INPP5A: variants seen among roughly 807,000 people sequenced by gnomAD.
INPP5A encodes 43 kDa inositol polyphosphate 5-phophatase.
INPP5A carries 14 observed loss-of-function variants against 65.2 expected under a neutral mutation model. The ratio of observed to expected loss-of-function variants is 0.21; its 90% CI spans 0.14 to 0.34. The LOEUF (loss-of-function observed/expected upper bound fraction) is 0.34, where lower values mean the gene tolerates loss of function less well. INPP5A is among the 10% of genes least tolerant of loss of function. The probability of loss-of-function intolerance (pLI) is 1.00; values close to 1 mark genes in which losing one functional copy is unlikely to be tolerated. For synonymous variants in INPP5A, 207 were observed against 208.3 expected (o/e 0.99, Z 0.05); for missense variants, 431 against 545.6 (o/e 0.79, Z 2.09).
intron 2 of INPP5A, among the ~76,000 whole-genome samples, chr10:132,632,724 ATATAT>A (rs1357643448): frequency 3.7e-4 from 56 of 152,228 alleles, no homozygotes; most frequent in African/African-American, 1.4e-3. Context: ...AATAAAGTAA[ATATAT>A]TAAAACCAAA....
intron 8 of INPP5A, among the ~76,000 whole-genome samples, chr10:132,715,177 G>A (rs903130213): frequency 2.6e-5 from 4 of 152,220 alleles, no homozygotes; most frequent in African/African-American, 9.7e-5. Context: ...CCACTGAGGC[G>A]TCCCGAAACC....
intron 1 of INPP5A, among the ~76,000 whole-genome samples, chr10:132,539,889 C>T (rs928535283): frequency 2.0e-5 from 3 of 152,198 alleles, no homozygotes; most frequent in Admixed American, 1.3e-4. Flanking sequence ...CGCTGTTTTT[C>T]TGTTTTTCTT....
At chr10:132,778,051 C>T (rs1166246330) in intron 13 of INPP5A, among the ~76,000 whole-genome samples, 1 of 152,186 alleles carries the variant, frequency 6.6e-6, no homozygotes, top group African/African-American at 2.4e-5. Context: ...ATAACACAGG[C>T]GGTTAGCAGG....
chr10:132,650,153 C>G lies in INPP5A; in HGVS notation c.219-265C>G, dbSNP rs937579087. 6.6e-6 allele frequency among the ~76,000 whole-genome samples: 1 copy of G among 152,182 alleles called. No homozygotes were observed. Among genetic ancestry groups the G allele is most frequent in the Non-Finnish European group, 1.5e-5 (1 of 68,024 alleles). The stretch of plus-strand genomic sequence containing the variant: ...TGGGTGAGTTCTCAATGTCTCCATC[C>G]CTGGGATGCCTCAGACCCCGGCATC... On this transcript the variant is annotated intron_variant, in intron 3 of 15. Coordinates refer to ENST00000368594, the MANE Select transcript of INPP5A (RefSeq NM_005539.5). The surrounding 1 kb of genome is among the most constrained non-coding windows in gnomAD (Gnocchi z 5.5).
chr10:132,654,315 G>A (rs1199136468), intron 4 of INPP5A, among the ~76,000 whole-genome samples: 1 of 152,256 alleles, frequency 6.6e-6, no homozygotes, highest in Non-Finnish European at 1.5e-5. Flanking sequence ...TAGGCCAGGT[G>A]GATGGTGGAG....
chr10:132,625,289 A>G (rs2072168553), intron 2 of INPP5A, among the ~76,000 whole-genome samples: 1 of 149,410 alleles, frequency 6.7e-6, no homozygotes, highest in Admixed American at 6.7e-5. Flanking sequence ...CTGTCATCCC[A>G]CCCCACACCC....
intron 1 of INPP5A, among the ~76,000 whole-genome samples, chr10:132,572,360 T>C (rs1207865803): frequency 1.1e-4 from 16 of 152,308 alleles, no homozygotes; most frequent in Admixed American, 1.3e-4. Context: ...AGGCCTTCCC[T>C]GAGCTTCTGT....
chr10:132,766,180 AGT>A (rs1181257803), intron 12 of INPP5A, among the ~76,000 whole-genome samples: 1 of 151,928 alleles, frequency 6.6e-6, no homozygotes, highest in African/African-American at 2.4e-5. Flanking sequence ...TTGTGTGCAT[AGT>A]GTTTTTGTGT....
chr10:132,644,262 G>A lies in INPP5A; in HGVS notation c.118-1606G>A, dbSNP rs1469802524. Among the ~76,000 whole-genome samples, 1 of 152,230 alleles carries A rather than the reference G, an allele frequency of 6.6e-6. No homozygotes were observed. The highest frequency in any genetic ancestry group is 1.5e-5 in the Non-Finnish European group (1 of 68,036). Reference sequence around the variant, plus strand: ...GGAGGGGCCCACTCGGTGCATCCACGCAGAGGCGGCTGCGAACTCAGGCAC... The same window carrying A: ...GGAGGGGCCCACTCGGTGCATCCACACAGAGGCGGCTGCGAACTCAGGCAC... On this transcript the variant is annotated intron_variant, in intron 2 of 15. Transcript: ENST00000368594. This position sits in a 1 kb window ranked among gnomAD's most constrained non-coding sequence, Gnocchi z 6.5.
intron 14 of INPP5A, 34 bp downstream of exon 14, chr10:132,780,951 G>A (rs1847150686): frequency 6.4e-7 from 1 of 1,559,512 alleles, no homozygotes; most frequent in South Asian, 1.1e-5. Context: ...GCCAGGCTGG[G>A]GGACCAAGGG....
chr10:132,723,466 C>CGTGTGGGG (rs1564984309), intron 8 of INPP5A, among the ~76,000 whole-genome samples: 4 of 146,216 alleles, frequency 2.7e-5, no homozygotes, highest in African/African-American at 5.2e-5. Flanking sequence ...GGGGATTGGC[C>CGTGTGGGG]ATGTGGGGAT....
At chr10:132,629,115 T>C (rs1252684130) in intron 2 of INPP5A, among the ~76,000 whole-genome samples, 1 of 152,222 alleles carries the variant, frequency 6.6e-6, no homozygotes, top group Non-Finnish European at 1.5e-5. Flanking sequence ...ATTCCCATTC[T>C]TGGCCTCTGG....
At chr10:132,649,342 T>C (rs1163877456) in intron 3 of INPP5A, among the ~76,000 whole-genome samples, 1 of 152,264 alleles carries the variant, frequency 6.6e-6, no homozygotes, top group Non-Finnish European at 1.5e-5. Context: ...TTTTTGCCTC[T>C]TCCGGGTCTG....
chr10:132,725,855 A>T (rs1256399536), intron 8 of INPP5A, among the ~76,000 whole-genome samples: 1 of 152,138 alleles, frequency 6.6e-6, no homozygotes, highest in African/African-American at 2.4e-5. Flanking sequence ...GAAATTAGGA[A>T]ATTTGGCAAC....
chr10:132,559,428 G>C (rs1469801838), intron 1 of INPP5A, among the ~76,000 whole-genome samples: 1 of 152,224 alleles, frequency 6.6e-6, no homozygotes, highest in East Asian at 1.9e-4. Context: ...AAGGTCGTGT[G>C]ACCTTCGCCC....
chr10:132,647,906 G>T (rs1401624594), intron 3 of INPP5A, among the ~76,000 whole-genome samples: 1 of 152,148 alleles, frequency 6.6e-6, no homozygotes, highest in Admixed American at 6.5e-5. Flanking sequence ...ATATAGTTTT[G>T]GGATGAGAGA....
At chr10:132,739,319 AC>A (rs1347901435) in intron 9 of INPP5A, among the ~76,000 whole-genome samples, 1 of 152,176 alleles carries the variant, frequency 6.6e-6, no homozygotes, top group Non-Finnish European at 1.5e-5. Flanking sequence ...GCCTCACCAC[AC>A]ATTTCCCACG....
At chr10:132,646,975 G>T (rs1046120629) in intron 3 of INPP5A, among the ~76,000 whole-genome samples, 12 of 152,316 alleles carry the variant, frequency 7.9e-5, no homozygotes, top group African/African-American at 2.9e-4. Context: ...GATCCCAGCC[G>T]CTGCATCCTT....
intron 1 of INPP5A, among the ~76,000 whole-genome samples, chr10:132,596,927 A>ATGTGTGCGTG (rs1491121952): frequency 0.028 from 414 of 14,546 alleles, 2 homozygotes; most frequent in African/African-American, 0.032. Flanking sequence ...GTGTGCGCGC[A>ATGTGTGCGTG]TGTGCACGCA....
Sources: gnomAD v4.1 joint callset for allele counts (sites outside exome capture counted in the v4.1 genomes callset) on GRCh38, gnomAD v4.1.1 for gene constraint, Gnocchi (gnomAD v3.1) non-coding constraint, MANE v1.5 for transcripts, NCBI Gene and HGNC (gene_info 2026-07-23, HGNC 2026-07-21) for gene names.